MAST2: variants seen among roughly 807,000 people sequenced by gnomAD.
MAST2 encodes the protein microtubule associated serine/threonine kinase 2, also known as microtubule-associated serine/threonine-protein kinase 2.
In MAST2, 70 loss-of-function variants were observed where a neutral mutation model predicts 147.4. The observed-to-expected ratio is 0.47, with a 90% CI of 0.39 to 0.58. The LOEUF is 0.58. Among genes scored for constraint, MAST2 ranks in the 20% least tolerant of loss-of-function variants. The pLI is 0.00. For missense variants in MAST2, 2,080 were observed against 2,302.3 expected (o/e 0.90, Z 1.98); for synonymous variants, 869 against 896.8 (o/e 0.97, Z 0.55).
intron 4 of MAST2, among the ~76,000 whole-genome samples, chr1:45,906,948 A>T (rs967155112): frequency 2.0e-5 from 3 of 152,106 alleles, no homozygotes; most frequent in Non-Finnish European, 4.4e-5. Flanking sequence ...AATACTTACC[A>T]TTGTGTTACA....
At chr1:45,861,713 T>C (rs1238970381) in intron 3 of MAST2, among the ~76,000 whole-genome samples, 1 of 148,574 alleles carries the variant, frequency 6.7e-6, no homozygotes, top group Non-Finnish European at 1.5e-5. Context: ...TTTTCAAGAA[T>C]AACTTTTTTT....
intron 4 of MAST2, among the ~76,000 whole-genome samples, chr1:45,948,434 G>A (rs1418089802): frequency 6.6e-6 from 1 of 152,090 alleles, no homozygotes; most frequent in Non-Finnish European, 1.5e-5. Flanking sequence ...CGGGCCGGGT[G>A]CGGTGGCTCA....
At chr1:46,002,656 TA>T in intron 6 of MAST2, 148 bp from the exon 7 acceptor site, 1 of 652,458 alleles carries the variant, frequency 1.5e-6, no homozygotes. Context: ...GGGAGAGATA[TA>T]AAAGCATGTA....
At chr1:45,836,925 A>G (rs1022264837) in intron 3 of MAST2, among the ~76,000 whole-genome samples, 3 of 152,196 alleles carry the variant, frequency 2.0e-5, no homozygotes, top group Non-Finnish European at 4.4e-5. Flanking sequence ...TTTCAGGATG[A>G]AACTGTTCCA....
intron 4 of MAST2, among the ~76,000 whole-genome samples, chr1:45,905,320 G>T (rs1650505690): frequency 6.6e-6 from 1 of 151,898 alleles, no homozygotes; most frequent in South Asian, 2.1e-4. Flanking sequence ...AAGTAGCTGG[G>T]AGTACAGGCA....
intron 5 of MAST2, among the ~76,000 whole-genome samples, chr1:45,975,566 G>A (rs1349451920): frequency 4.0e-5 from 6 of 149,276 alleles, no homozygotes; most frequent in African/African-American, 1.5e-4. Context: ...TGCTCAGTAG[G>A]CTGAGGTGGG....
intron 5 of MAST2, among the ~76,000 whole-genome samples, chr1:45,961,829 T>C (rs535028189): frequency 1.1e-3 from 165 of 152,220 alleles, no homozygotes; most frequent in Non-Finnish European, 2.0e-3. Flanking sequence ...CTTACAGGTT[T>C]GTTACATATG....
At chr1:45,945,474 G>A (rs11211232) in intron 4 of MAST2, among the ~76,000 whole-genome samples, 42,559 of 152,066 alleles carry the variant, frequency 0.28, 6,125 homozygotes, top group South Asian at 0.39. Flanking sequence ...CTTATGTAGC[G>A]TCTCTACCCA....
intron 3 of MAST2, among the ~76,000 whole-genome samples, chr1:45,830,055 C>T (rs1039339490): frequency 2.6e-5 from 4 of 151,738 alleles, no homozygotes; most frequent in African/African-American, 9.7e-5. Flanking sequence ...TGGGGTTTCA[C>T]TGTGTTGGCT....
chr1:45,824,019 A>G (rs912826369), intron 1 of MAST2, among the ~76,000 whole-genome samples: 7 of 152,214 alleles, frequency 4.6e-5, no homozygotes, highest in African/African-American at 1.7e-4. Flanking sequence ...TGAATGTTAG[A>G]GATATTTCTG....
chr1:46,027,953 A>C, intron 17 of MAST2, 90 bp downstream of exon 17: 1 of 1,514,180 alleles, frequency 6.6e-7, no homozygotes, highest in Non-Finnish European at 9.0e-7. Flanking sequence ...ACCCTTTGGG[A>C]GGCTGAGGCA....
At chr1:45,942,500 C>G (rs1233623134) in intron 4 of MAST2, among the ~76,000 whole-genome samples, 1 of 152,068 alleles carries the variant, frequency 6.6e-6, no homozygotes, top group Non-Finnish European at 1.5e-5. Context: ...GCTTGTACAC[C>G]ATTTCATTTA....
chr1:45,978,043 C>T (rs1644245420), intron 5 of MAST2, among the ~76,000 whole-genome samples: 1 of 151,480 alleles, frequency 6.6e-6, no homozygotes, highest in African/African-American at 2.4e-5. Context: ...TAGTGAAACC[C>T]TATCTCTTAT....
At chr1:46,014,607 T>C (rs896650883) in intron 10 of MAST2, among the ~76,000 whole-genome samples, 2 of 151,984 alleles carry the variant, frequency 1.3e-5, no homozygotes, top group African/African-American at 4.8e-5. Flanking sequence ...AAGGGATCAA[T>C]TCAACAAGAA....
intron 3 of MAST2, among the ~76,000 whole-genome samples, chr1:45,866,754 T>G (rs1345389555): frequency 6.6e-6 from 1 of 152,094 alleles, no homozygotes; most frequent in Non-Finnish European, 1.5e-5. Context: ...CTACTTTTTT[T>G]TTTTTGAGAT....
chr1:46,031,199 G>C lies in MAST2; in HGVS notation c.2901G>C (p.Glu967Asp). 1 of 1,565,896 alleles carries C rather than the reference G, an allele frequency of 6.4e-7. No homozygotes were observed. The highest frequency in any genetic ancestry group is 8.7e-7 in the Non-Finnish European group (1 of 1,152,642). The change falls in exon 23 of 29, where the codon GAG becomes GAC. Residue 967 changes from glutamate to aspartate, a missense_variant. By Grantham distance (45) the Glu-to-Asp change is conservative (BLOSUM62 2). Around this residue, in one of 4 missense-constraint regions of MAST2, gnomAD observed 1,278 missense variants for 1,304.2 expected, o/e 0.98. Coordinates refer to ENST00000361297, the MANE Select transcript of MAST2 (RefSeq NM_015112.3). The surrounding 1 kb of genome is among the most constrained non-coding windows in gnomAD (Gnocchi z 4.1). ...GIWVLTPPSG[E>D]GVSGPVTEHS... is the part of the protein sequence containing the mutation. ...GGGTCCTGACACCCCCATCTGGAGA[G>C]GGGGTATCTGGGCCTGTCACTGAAC...
intron 1 of MAST2, among the ~76,000 whole-genome samples, chr1:45,811,158 G>A (rs1644281019): frequency 6.9e-6 from 1 of 145,846 alleles, no homozygotes; most frequent in African/African-American, 2.6e-5. Context: ...GCCGAGAGCA[G>A]TATATTTCTT....
At chr1:45,999,224 C>T (rs567769338) in intron 6 of MAST2, among the ~76,000 whole-genome samples, 1 of 152,188 alleles carries the variant, frequency 6.6e-6, no homozygotes, top group Non-Finnish European at 1.5e-5. Flanking sequence ...AACCCACTTA[C>T]CTTATTCAAA....
chr1:45,870,215 C>T (rs750224961), intron 3 of MAST2, among the ~76,000 whole-genome samples: 7 of 152,096 alleles, frequency 4.6e-5, no homozygotes, highest in Non-Finnish European at 7.4e-5. Context: ...TGAGCTACTG[C>T]GCCCAGCTTT....
Sources: allele counts gnomAD v4.1 joint callset (sites outside exome capture counted in the v4.1 genomes callset), GRCh38; gene constraint gnomAD v4.1.1; regional missense constraint gnomAD v4.1.1; non-coding constraint Gnocchi (gnomAD v3.1); transcripts MANE v1.5; gene names NCBI Gene and HGNC (gene_info 2026-07-23, HGNC 2026-07-21).